RAI14: variants seen among roughly 807,000 people sequenced by gnomAD.
The protein encoded by RAI14 is retinoic acid induced 14.
In RAI14, 45 loss-of-function variants were observed where a neutral mutation model predicts 115.4. The observed-to-expected ratio is 0.39, with a 90% CI of 0.31 to 0.50. The LOEUF is 0.50. RAI14 is among the 20% of genes least tolerant of loss of function. The pLI is 0.85. For synonymous variants in RAI14, 371 were observed against 415.4 expected (o/e 0.89, Z 1.30); for missense variants, 939 against 1,131.2 (o/e 0.83, Z 2.44).
intron 4 of RAI14, among the ~76,000 whole-genome samples, chr5:34,799,481 AACACACACACAGACACAC>A (rs1753926960): frequency 1.7e-5 from 2 of 116,542 alleles, no homozygotes; most frequent in South Asian, 5.6e-4. Flanking sequence ...AAAAAAACAA[AACACACACACAGACACAC>A]ACACACACAC....
In RAI14 at chr5:34,824,111, C is replaced by T. The variant is rs1165560098; in HGVS notation, c.2269C>T (p.His757Tyr). Residue 757 changes from histidine to tyrosine, a missense_variant, in exon 15 of 18, where the codon CAC becomes TAC. Physicochemically the swap from His to Tyr is moderately conservative, Grantham distance 83 (BLOSUM62 2). Coordinates refer to ENST00000265109, the MANE Select transcript of RAI14 (RefSeq NM_015577.3). ...MEEKISNLKE[H>Y]LASKEVEVAK... ...AGAAAAAATAAGCAATCTTAAGGAA[C>T]ACCTTGCAAGCAAGGAAGTGGAAGT... 3 of 1,614,044 alleles carry T rather than the reference C, an allele frequency of 1.9e-6. No individual in the cohort carries two copies. The highest frequency in any genetic ancestry group is 2.2e-5 in the South Asian group (2 of 91,084).
In RAI14 at chr5:34,801,037, C is replaced by T. The variant is rs80020174; in HGVS notation, c.257-2675C>T. ...CTACTCCACCAAAGCCTATTTAATG[C>T]ATCATGTAACTAAACTCATACACAG... On this transcript the variant is annotated intron_variant, in intron 4 of 17. Transcript: ENST00000265109. 6.1e-3 allele frequency among the ~76,000 whole-genome samples: 925 copies of T among 152,286 alleles called. 7 individuals carry two copies. The highest frequency in any genetic ancestry group is 0.022 in the African/African-American group (900 of 41,562).
chr5:34,697,156 G>A (rs963608956), intron 2 of RAI14, among the ~76,000 whole-genome samples: 1 of 150,648 alleles, frequency 6.6e-6, no homozygotes, highest in South Asian at 2.1e-4. Context: ...TAATAAAAAG[G>A]CCAAGTGCGG....
chr5:34,729,443 A>G (rs948499414), intron 2 of RAI14, among the ~76,000 whole-genome samples: 2 of 152,168 alleles, frequency 1.3e-5, no homozygotes, highest in Non-Finnish European at 1.5e-5. Flanking sequence ...TTTATAATAA[A>G]ACACTAAAAA....
chr5:34,810,902 G>A lies in RAI14; in HGVS notation c.451-110G>A, dbSNP rs146659971. 6.6e-5 allele frequency: 100 copies of A among 1,520,202 alleles called. No individual in the cohort carries two copies. In the African/African-American group the frequency reaches 1.2e-3, roughly 19 times the overall value. 94.2% of individuals were successfully genotyped at this position (1,520,202 alleles called of 1,614,324 possible). A position where few individuals can be genotyped will look rare whatever the true frequency, so the allele number is the denominator to read the frequency against. Reference sequence around the variant, plus strand: ...TCAGGTTGGACCAGATACTAGATCAGCAGTCAGCAGTCCAAGTCAGGAGAA... The same window carrying A: ...TCAGGTTGGACCAGATACTAGATCAACAGTCAGCAGTCCAAGTCAGGAGAA... On this transcript the variant is annotated intron_variant, in intron 7 of 17. Coordinates refer to ENST00000265109, the MANE Select transcript of RAI14 (RefSeq NM_015577.3).
chr5:34,714,131 T>A (rs1170614466), intron 2 of RAI14, among the ~76,000 whole-genome samples: 1 of 152,236 alleles, frequency 6.6e-6, no homozygotes, highest in Non-Finnish European at 1.5e-5. Context: ...GAGTAATAGG[T>A]ACAGTTCTAC....
intron 3 of RAI14, among the ~76,000 whole-genome samples, chr5:34,782,093 C>T (rs574702272): frequency 2.6e-5 from 4 of 152,324 alleles, no homozygotes; most frequent in East Asian, 1.9e-4. Flanking sequence ...TGCCTTTAAG[C>T]GGTTTTCCAC....
intron 1 of RAI14, chr5:34,684,561 C>T (rs1343572604): frequency 2.0e-5 from 3 of 152,230 alleles, no homozygotes; most frequent in African/African-American, 4.8e-5. Flanking sequence ...CATGGAGAGG[C>T]TGCAGTCACA....
chr5:34,800,076 C>A (rs16867581), intron 4 of RAI14, among the ~76,000 whole-genome samples: 2 of 152,072 alleles, frequency 1.3e-5, no homozygotes, highest in East Asian at 1.9e-4. Context: ...AGAGCAAAAC[C>A]CTGTCAGAAG....
At chr5:34,691,981 G>A (rs1029724016) in intron 2 of RAI14, among the ~76,000 whole-genome samples, 4 of 152,162 alleles carry the variant, frequency 2.6e-5, no homozygotes, top group African/African-American at 7.2e-5. Context: ...AACAGTTGGC[G>A]GTGGGGTGTG....
chr5:34,764,538 TCTCTCTC>T (rs1384187007), intron 3 of RAI14, among the ~76,000 whole-genome samples: 5 of 122,092 alleles, frequency 4.1e-5, no homozygotes, highest in East Asian at 2.1e-4. Context: ...AGGTGAATTT[TCTCTCTC>T]TCTCTCTCTC....
chr5:34,684,210 A>G (rs1744620792), intron 1 of RAI14, among the ~76,000 whole-genome samples: 1 of 152,164 alleles, frequency 6.6e-6, no homozygotes, highest in African/African-American at 2.4e-5. Flanking sequence ...CAACTCTGAC[A>G]AGTGTGTTCC....
intron 4 of RAI14, among the ~76,000 whole-genome samples, chr5:34,798,287 C>T (rs1753783350): frequency 6.6e-6 from 1 of 151,914 alleles, no homozygotes; most frequent in South Asian, 2.1e-4. Context: ...GATCCACCCG[C>T]CTTGGCATCC....
Position 34,827,763 on chromosome 5 carries a change from C to T in RAI14, c.2799+1284C>T, listed in dbSNP as rs993699245. ...TACAGTAATTCTTATAATTACGCAA[C>T]ATGTGTTTGTTGAGCTCTTACATCA... On this transcript the variant is annotated intron_variant, in intron 16 of 17. Coordinates refer to ENST00000265109, the MANE Select transcript of RAI14 (RefSeq NM_015577.3). The surrounding 1 kb of genome is among the most constrained non-coding windows in gnomAD (Gnocchi z 4.2). Among the ~76,000 whole-genome samples, 4 of 152,280 alleles carry T rather than the reference C, an allele frequency of 2.6e-5. No individual in the cohort carries two copies. The highest frequency in any genetic ancestry group is 3.4e-3 in the Middle Eastern group (1 of 294).
chr5:34,756,504 C>T (rs969985926), intron 2 of RAI14, among the ~76,000 whole-genome samples: 23 of 152,168 alleles, frequency 1.5e-4, no homozygotes, highest in Non-Finnish European at 2.5e-4. Flanking sequence ...GCGCAGGAGA[C>T]GACTGGAAGG....
At chr5:34,759,842 G>A (rs958927844) in intron 3 of RAI14, among the ~76,000 whole-genome samples, 3 of 152,124 alleles carry the variant, frequency 2.0e-5, no homozygotes, top group Non-Finnish European at 4.4e-5. Context: ...GTGGTCTAAG[G>A]GGATTTGGGA....
intron 2 of RAI14, chr5:34,687,839 AT>A (rs1738043443): frequency 5.4e-6 from 7 of 1,296,396 alleles, no homozygotes; most frequent in East Asian, 2.5e-5. Flanking sequence ...GCACAGCTGC[AT>A]TTTTGCAATA....
At chr5:34,782,899 T>C (rs1751839413) in intron 3 of RAI14, among the ~76,000 whole-genome samples, 1 of 152,242 alleles carries the variant, frequency 6.6e-6, no homozygotes. Flanking sequence ...CATGTCTGCC[T>C]GTTCTGCAAT....
At position 34,830,899 on chromosome 5, in the gene RAI14, G is replaced by A; in HGVS notation, c.*134G>A. ...AGCGTAGCTTCTTCCCTTTCCAAAG[G>A]TTTCTGAGGACTTCTCCCAGGAGAA... is the stretch of plus-strand genomic sequence containing the variant. On this transcript the variant is annotated 3_prime_UTR_variant, in exon 18 of 18. Coordinates refer to ENST00000265109, the MANE Select transcript of RAI14 (RefSeq NM_015577.3). 6.9e-7 allele frequency: 1 copy of A among 1,458,170 alleles called. No homozygotes were observed. Among genetic ancestry groups the A allele is most frequent in the Non-Finnish European group, 9.1e-7 (1 of 1,100,430 alleles). 90.3% of individuals were successfully genotyped at this position (1,458,170 alleles called of 1,614,324 possible).
Sources: allele counts gnomAD v4.1 joint callset (sites outside exome capture counted in the v4.1 genomes callset), GRCh38; gene constraint gnomAD v4.1.1; non-coding constraint Gnocchi (gnomAD v3.1); transcripts MANE v1.5; gene names NCBI Gene and HGNC (gene_info 2026-07-23, HGNC 2026-07-21).